Variants in ELAPOR1 observed in about 807,000 individuals in gnomAD.
ELAPOR1 encodes endosome-lysosome associated apoptosis and autophagy regulator 1.
ELAPOR1 carries 77 observed loss-of-function variants against 119.7 expected under a neutral mutation model. The ratio of observed to expected loss-of-function variants is 0.64; its 90% CI spans 0.54 to 0.78. ELAPOR1 has a LOEUF of 0.78. Ranked by LOEUF, ELAPOR1 falls within the 30% of genes least tolerant of loss-of-function variation. The pLI, the probability that ELAPOR1 is intolerant of heterozygous loss-of-function variation, is 0.00. For missense variants in ELAPOR1, 1,115 were observed against 1,270.4 expected, an observed-to-expected ratio of 0.88 and a Z score of 1.86; for synonymous variants, 481 against 487.2, an observed-to-expected ratio of 0.99 and a Z score of 0.17.
In ELAPOR1 at chr1:109,198,026, C is replaced by G. The variant is rs1434168766; in HGVS notation, c.2350C>G (p.Leu784Val). ...TLDGITSPAELFHLESLGIPD... is the reference protein window; with the variant it reads ...TLDGITSPAEVFHLESLGIPD... Reference sequence around the variant, plus strand: ...GGATGGAATCACCTCCCCAGCTGAACTTTTCCACCTGGAGTCCTTGGGAAT... The same window carrying G: ...GGATGGAATCACCTCCCCAGCTGAAGTTTTCCACCTGGAGTCCTTGGGAAT... The change falls in exon 17 of 22, where the codon CTT becomes GTT. Residue 784 changes from leucine to valine, a missense_variant. By Grantham distance (32) the Leu-to-Val change is conservative. Transcript: ENST00000369939. The G allele has an allele frequency of 5.0e-6, 8 of 1,613,994 alleles. No homozygotes were observed. In the Admixed American group the frequency reaches 6.7e-5, roughly 13 times the overall value.
intron 7 of ELAPOR1, among the ~76,000 whole-genome samples, chr1:109,176,720 G>A (rs1452305338): frequency 6.8e-6 from 1 of 146,152 alleles, no homozygotes; most frequent in African/African-American, 2.6e-5. Context: ...ATGAACAAAG[G>A]TCTCTGGTTT....
At chr1:109,114,572 G>T (rs746429728) in intron 1 of ELAPOR1, among the ~76,000 whole-genome samples, 1 of 152,132 alleles carries the variant, frequency 6.6e-6, no homozygotes, top group African/African-American at 2.4e-5. Context: ...AGCGAGAAAG[G>T]TCCCAGCCCC....
intron 15 of ELAPOR1, among the ~76,000 whole-genome samples, chr1:109,197,139 G>GA (rs35880289): frequency 0.056 from 7,433 of 132,610 alleles, 244 homozygotes; most frequent in Middle Eastern, 0.12. Context: ...CTATCTTTAC[G>GA]AAAAAAAAAA....
intron 1 of ELAPOR1, among the ~76,000 whole-genome samples, chr1:109,160,601 C>T (rs941595326): frequency 6.6e-6 from 1 of 152,196 alleles, no homozygotes; most frequent in Non-Finnish European, 1.5e-5. Context: ...GATTAGCAAA[C>T]TTCAAAACTT....
intron 1 of ELAPOR1, among the ~76,000 whole-genome samples, chr1:109,135,821 T>C (rs6665852): frequency 0.11 from 16,416 of 152,164 alleles, 1,291 homozygotes; most frequent in African/African-American, 0.22. Context: ...CTACAAATCC[T>C]GCAGTGCCAG....
At chr1:109,170,317 G>A (rs946728046) in intron 3 of ELAPOR1, among the ~76,000 whole-genome samples, 1 of 152,180 alleles carries the variant, frequency 6.6e-6, no homozygotes, top group African/African-American at 2.4e-5. Context: ...TAAGCAGGGT[G>A]ATGGGTCGGG....
intron 7 of ELAPOR1, 123 bp downstream of exon 7, chr1:109,173,960 C>T: frequency 9.7e-7 from 1 of 1,034,994 alleles, no homozygotes; most frequent in Non-Finnish European, 1.4e-6. Context: ...TAAACCCTTC[C>T]TTTCTGGATC....
chr1:109,129,067 T>C (rs1648975930), intron 1 of ELAPOR1, among the ~76,000 whole-genome samples: 1 of 149,700 alleles, frequency 6.7e-6, no homozygotes, highest in Non-Finnish European at 1.5e-5. Flanking sequence ...CCTCTGGGGC[T>C]CATGGGTCAT....
intron 1 of ELAPOR1, among the ~76,000 whole-genome samples, chr1:109,135,798 G>A (rs1455607134): frequency 6.6e-6 from 1 of 152,148 alleles, no homozygotes; most frequent in African/African-American, 2.4e-5. Context: ...CTACTCCATA[G>A]AGTTCATTGA....
At position 109,198,633 on chromosome 1, in the gene ELAPOR1, C is replaced by T. The variant is rs1653976356; in HGVS notation, c.2460C>T (p.Cys820=). Residue 820 remains cysteine (C), a synonymous_variant, in exon 18 of 22, where the codon TGC becomes TGT. Coordinates refer to ENST00000369939, the MANE Select transcript of ELAPOR1 (RefSeq NM_020775.5). ...GATCAACCACCATCCGCGTCAGGTG[C>T]AGTCCACAGAAAACTGTCCCTGGAA... is the stretch of plus-strand genomic sequence containing the variant. The part of the protein sequence containing the change: ...SGRSTTIRVR[C]SPQKTVPGSL... 1 of 1,613,844 alleles carries T rather than the reference C, an allele frequency of 6.2e-7. No homozygotes were observed. The highest frequency in any genetic ancestry group is 1.7e-5 in the Admixed American group (1 of 59,978).
intron 1 of ELAPOR1, among the ~76,000 whole-genome samples, chr1:109,146,164 A>G (rs567331386): frequency 6.6e-6 from 1 of 152,088 alleles, no homozygotes; most frequent in South Asian, 2.1e-4. Flanking sequence ...ATACACACAC[A>G]AAAAAATTAG....
At chr1:109,166,332 C>T (rs182961808) in intron 3 of ELAPOR1, among the ~76,000 whole-genome samples, 80 of 152,302 alleles carry the variant, frequency 5.3e-4, no homozygotes, top group Middle Eastern at 3.4e-3. Flanking sequence ...GGATTACAGG[C>T]ATGGGCCACC....
intron 7 of ELAPOR1, among the ~76,000 whole-genome samples, chr1:109,182,793 G>A (rs2101087160): frequency 6.6e-6 from 1 of 151,814 alleles, no homozygotes; most frequent in East Asian, 1.9e-4. Context: ...CGTGAACCCG[G>A]GAGGCGGAGC....
In ELAPOR1 at chr1:109,198,066, T is replaced by C; in HGVS notation, c.2390T>C (p.Phe797Ser). The C allele has an allele frequency of 6.2e-7, 1 of 1,613,054 alleles. No individual in the cohort carries two copies. Among genetic ancestry groups the C allele is most frequent in the Non-Finnish European group, 8.5e-7 (1 of 1,179,030 alleles). ...TCCTTGGGAATACCGGACGTGATCT[T>C]CTTTTATAGGTGAAGATGAGAGGCT... ...LESLGIPDVI[F>S]FYRSNDVTQS... Residue 797 changes from phenylalanine (F) to serine (S), a missense_variant, in exon 17 of 22, where the codon TTC becomes TCC. Transcript: ENST00000369939.
chr1:109,192,587 C>G, intron 13 of ELAPOR1, 24 bp from the exon 14 acceptor site: 8 of 1,612,452 alleles, frequency 5.0e-6, no homozygotes, highest in Non-Finnish European at 5.9e-6. Flanking sequence ...TCTCCCCTCT[C>G]CCCTCTTGTT....
At chr1:109,136,229 A>G (rs1649458828) in intron 1 of ELAPOR1, among the ~76,000 whole-genome samples, 1 of 152,212 alleles carries the variant, frequency 6.6e-6, no homozygotes, top group Non-Finnish European at 1.5e-5. Context: ...GTCAAGTTAC[A>G]ATGAGATCAT....
chr1:109,122,138 C>T (rs1442027179), intron 1 of ELAPOR1, among the ~76,000 whole-genome samples: 8 of 150,018 alleles, frequency 5.3e-5, no homozygotes, highest in Non-Finnish European at 7.4e-5. Flanking sequence ...GGTGCAATCT[C>T]AGCTCACTGC....
intron 7 of ELAPOR1, among the ~76,000 whole-genome samples, chr1:109,175,647 C>T (rs1426986140): frequency 7.3e-5 from 11 of 150,110 alleles, no homozygotes; most frequent in Non-Finnish European, 1.5e-4. Flanking sequence ...GCCAACATGG[C>T]AAAACCACGT....
Position 109,114,363 on chromosome 1 carries a change from G to A in ELAPOR1, c.153+27G>A, listed in dbSNP as rs562874277. 5.1e-5 allele frequency: 79 copies of A among 1,544,032 alleles called. No homozygotes were observed. In the Admixed American group the frequency reaches 9.8e-4, roughly 19 times the overall value. On this transcript the variant is annotated intron_variant, in intron 1 of 21. Coordinates refer to ENST00000369939, the MANE Select transcript of ELAPOR1 (RefSeq NM_020775.5). ...TACTGCCGCCCCCCTACCCGATCCC[G>A]CTTTGGTCACAAAAGTCTTGGATCC...
Sources: gnomAD v4.1 joint callset for allele counts (sites outside exome capture counted in the v4.1 genomes callset) on GRCh38, gnomAD v4.1.1 for gene constraint, MANE v1.5 for transcripts, NCBI Gene and HGNC (gene_info 2026-07-23, HGNC 2026-07-21) for gene names.